MAP3K7: variants seen among roughly 807,000 people sequenced by gnomAD.
The protein encoded by MAP3K7 is mitogen-activated protein kinase kinase kinase 7.
In MAP3K7, 21 loss-of-function variants were observed where a neutral mutation model predicts 84.8. That is an observed-to-expected ratio of 0.25 (90% CI 0.18 to 0.36). MAP3K7 has a LOEUF of 0.36. MAP3K7 is among the 10% of genes least tolerant of loss of function. MAP3K7 has a pLI of 1.00. For missense variants in MAP3K7, 503 were observed against 747.7 expected, an observed-to-expected ratio of 0.67 and a Z score of 3.82; for synonymous variants, 241 against 247.7, an observed-to-expected ratio of 0.97 and a Z score of 0.25.
intron 14 of MAP3K7, among the ~76,000 whole-genome samples, chr6:90,520,790 C>T (rs1775124187): frequency 6.6e-6 from 1 of 151,976 alleles, no homozygotes; most frequent in African/African-American, 2.4e-5. Context: ...CTTCTCCCAC[C>T]CCAACAGTGG....
Position 90,556,492 on chromosome 6 carries a change from C to T in MAP3K7, c.607+8G>A. 6.2e-7 allele frequency: 1 copy of T among 1,608,868 alleles called. No individual in the cohort carries two copies. On this transcript the variant is annotated splice_region_variant and intron_variant, in intron 6 of 16. Coordinates refer to ENST00000369329, the MANE Select transcript of MAP3K7 (RefSeq NM_145331.3). The stretch of plus-strand genomic sequence containing the variant: ...ATTATCAAACATACCATACTTTTGC[C>T]ATTTTACCTTCAAAAACTTCAGGTG...
chr6:90,520,374 G>GT (rs3842122), intron 14 of MAP3K7, among the ~76,000 whole-genome samples: 8 of 150,762 alleles, frequency 5.3e-5, no homozygotes, highest in East Asian at 1.9e-4. Flanking sequence ...TAATCCAGGT[G>GT]TTTTTTTTTC....
chr6:90,534,400 T>C (rs978620236), intron 13 of MAP3K7, among the ~76,000 whole-genome samples: 4 of 152,148 alleles, frequency 2.6e-5, no homozygotes, highest in Non-Finnish European at 5.9e-5. Context: ...ATAACACAAA[T>C]AATTTTGAAA....
chr6:90,551,315 T>C (rs1171898734), intron 8 of MAP3K7: 1 of 152,166 alleles, frequency 6.6e-6, no homozygotes, highest in Non-Finnish European at 1.5e-5. Context: ...AAGGAGATTG[T>C]AAGATTCTTC....
rs558009339 is a variant in MAP3K7, at chr6:90,561,861, C to T, written c.298-194G>A. On this transcript the variant is annotated intron_variant, in intron 3 of 16. Transcript: ENST00000369329. The stretch of plus-strand genomic sequence containing the variant: ...ACTAAGACTGTCTTCTAGGAGTCCA[C>T]TAACAGTGAAGATGTATGTAAAATA... Among the ~76,000 whole-genome samples, 18 of 152,274 alleles carry T rather than the reference C, an allele frequency of 1.2e-4. No homozygotes were observed. In the South Asian group the frequency reaches 3.3e-3, roughly 28 times the overall value.
intron 12 of MAP3K7, chr6:90,536,617 T>C (rs1775689431): frequency 5.8e-6 from 3 of 521,112 alleles, no homozygotes; most frequent in Middle Eastern, 5.3e-4. Context: ...AACTCAAAAG[T>C]TGCTGGCCTA....
At chr6:90,545,939 T>TA (rs757984883) in intron 11 of MAP3K7, among the ~76,000 whole-genome samples, 1 of 152,130 alleles carries the variant, frequency 6.6e-6, no homozygotes, top group Non-Finnish European at 1.5e-5. Context: ...CATGTCTTCC[T>TA]TCCTATTGCC....
At chr6:90,549,510 TGA>T (rs1377675772) in intron 9 of MAP3K7, among the ~76,000 whole-genome samples, 1 of 152,072 alleles carries the variant, frequency 6.6e-6, no homozygotes, top group Non-Finnish European at 1.5e-5. Flanking sequence ...CAAGCAAGCT[TGA>T]GAGAGAGGCT....
intron 11 of MAP3K7, 97 bp downstream of exon 11, chr6:90,547,159 AAT>A: frequency 1.5e-6 from 2 of 1,355,068 alleles, no homozygotes; most frequent in Non-Finnish European, 1.0e-6. Context: ...TTTAAAAAAA[AAT>A]ATAAGACACA....
intron 7 of MAP3K7, 147 bp from the exon 8 acceptor site, chr6:90,552,326 A>C: frequency 1.5e-6 from 1 of 687,156 alleles, no homozygotes; most frequent in Non-Finnish European, 2.3e-6. Flanking sequence ...GTGCTTTGTA[A>C]TTTTATCAAT....
chr6:90,575,389 C>G (rs544181870), intron 1 of MAP3K7, among the ~76,000 whole-genome samples: 2 of 152,278 alleles, frequency 1.3e-5, no homozygotes, highest in African/African-American at 4.8e-5. Flanking sequence ...AAAAAAGACT[C>G]ATACCCTTCT....
At chr6:90,526,191 C>T (rs1394835911) in intron 13 of MAP3K7, among the ~76,000 whole-genome samples, 2 of 151,658 alleles carry the variant, frequency 1.3e-5, no homozygotes, top group African/African-American at 4.8e-5. Context: ...TAAAAGGAGA[C>T]CAAAAAAACA....
intron 2 of MAP3K7, among the ~76,000 whole-genome samples, chr6:90,569,125 G>A (rs1473879244): frequency 1.3e-5 from 2 of 152,142 alleles, no homozygotes; most frequent in East Asian, 1.9e-4. Flanking sequence ...CCGCAAGGTA[G>A]GTATTATCAT....
intron 1 of MAP3K7, among the ~76,000 whole-genome samples, chr6:90,579,476 C>G (rs1338151640): frequency 6.6e-6 from 1 of 152,156 alleles, no homozygotes; most frequent in African/African-American, 2.4e-5. Context: ...GTTCTCTAAT[C>G]TCATGGATTC....
chr6:90,555,407 C>G (rs1776304261), intron 6 of MAP3K7, among the ~76,000 whole-genome samples: 1 of 152,090 alleles, frequency 6.6e-6, no homozygotes, highest in Admixed American at 6.5e-5. Context: ...GGGCGCCCGC[C>G]ACCACGCCCG....
intron 3 of MAP3K7, among the ~76,000 whole-genome samples, chr6:90,562,601 A>C (rs555145911): frequency 1.3e-5 from 2 of 152,268 alleles, no homozygotes; most frequent in East Asian, 3.9e-4. Context: ...GGAGCCCACC[A>C]CAGCTCAAGG....
At chr6:90,559,324 T>C (rs778237614) in intron 5 of MAP3K7, among the ~76,000 whole-genome samples, 3 of 152,016 alleles carry the variant, frequency 2.0e-5, no homozygotes, top group Non-Finnish European at 4.4e-5. Context: ...AACTGAAGAC[T>C]ATACTGATTT....
chr6:90,549,382 T>C (rs866998543), intron 9 of MAP3K7, among the ~76,000 whole-genome samples: 6 of 152,156 alleles, frequency 3.9e-5, no homozygotes, highest in Admixed American at 6.5e-5. Context: ...AACTGTCCAA[T>C]AGCACTAAAC....
In MAP3K7 at chr6:90,516,625, C is replaced by T. The variant is rs767221108; in HGVS notation, c.1697G>A (p.Arg566His). 10 of 1,611,306 alleles carry T rather than the reference C, an allele frequency of 6.2e-6. No individual in the cohort carries two copies. Among genetic ancestry groups the T allele is most frequent in the African/African-American group, 1.3e-5 (1 of 74,640 alleles). The change falls in exon 17 of 17, where the codon CGC becomes CAC. Residue 566 changes from arginine to histidine, a missense_variant. By Grantham distance (29) the Arg-to-His change is conservative (BLOSUM62 0). Around this residue, in one of 5 missense-constraint regions of MAP3K7, gnomAD observed 43 missense variants for 47.3 expected, o/e 0.91. Coordinates refer to ENST00000369329, the MANE Select transcript of MAP3K7 (RefSeq NM_145331.3). ...QDEKDQQNTS[R>H]LVQEHKKLLD... is the part of the protein sequence containing the mutation. ...AAGCTTTTTATGTTCCTGTACCAGG[C>T]GAGATGTATTTTGCTGGTCCTTTTC...
Sources: gnomAD v4.1 joint callset for allele counts (sites outside exome capture counted in the v4.1 genomes callset) on GRCh38, gnomAD v4.1.1 for gene constraint, gnomAD v4.1.1 regional missense constraint, MANE v1.5 for transcripts, NCBI Gene and HGNC (gene_info 2026-07-23, HGNC 2026-07-21) for gene names.